Variants in PRKCZ observed in about 807,000 individuals in gnomAD.
The protein encoded by PRKCZ is protein kinase C zeta type.
A neutral mutation model predicts 79.5 loss-of-function variants in PRKCZ; 33 were observed. The ratio of observed to expected loss-of-function variants is 0.41; its 90% CI spans 0.31 to 0.55. The LOEUF is 0.55. PRKCZ is among the 20% of genes least tolerant of loss of function. PRKCZ has a pLI of 0.19. For missense variants in PRKCZ, 578 were observed against 813.5 expected (o/e 0.71, Z 3.52); for synonymous variants, 342 against 320.9 (o/e 1.07, Z -0.70).
In PRKCZ at chr1:2,146,025, A is replaced by G; in HGVS notation, c.553-2A>G. ...GCTGCCATCTCTGTGTCTCTCCGGC[A>G]GGATTCTGTCATGCCTTCCCAAGAG... On this transcript the variant is annotated splice_acceptor_variant, in intron 6 of 17. Coordinates refer to ENST00000378567, the MANE Select transcript of PRKCZ (RefSeq NM_002744.6). LOFTEE classifies it high-confidence loss of function. 2 of 1,611,772 alleles carry G rather than the reference A, an allele frequency of 1.2e-6. No homozygotes were observed. The highest frequency in any genetic ancestry group is 1.7e-6 in the Non-Finnish European group (2 of 1,177,836).
chr1:2,172,771 C>G lies in PRKCZ; in HGVS notation c.1285+383C>G, dbSNP rs1684680057. On this transcript the variant is annotated intron_variant, in intron 13 of 17. Coordinates refer to ENST00000378567, the MANE Select transcript of PRKCZ (RefSeq NM_002744.6). This position sits in a 1 kb window ranked among gnomAD's most constrained non-coding sequence, Gnocchi z 7.8. ...GGGTGCAGGAGCGTGTGGACAGGAC[C>G]CCACAGGCCCTGCGGCTGAGGACGC... Among the ~76,000 whole-genome samples the G allele has an allele frequency of 6.6e-6, 1 of 152,230 alleles. No homozygotes were observed.
Position 2,135,291 on chromosome 1 carries a change from T to C in PRKCZ, c.364T>C (p.Trp122Arg). 6.2e-7 allele frequency: 1 copy of C among 1,613,316 alleles called. No individual in the cohort carries two copies. The highest frequency in any genetic ancestry group is 8.5e-7 in the Non-Finnish European group (1 of 1,179,776). Residue 122 changes from tryptophan to arginine, a missense_variant, in exon 5 of 18, where the codon TGG becomes CGG. Physicochemically the swap from Trp to Arg is moderately radical, Grantham distance 101. Around this residue, in one of 4 missense-constraint regions of PRKCZ, gnomAD observed 228 missense variants for 211.6 expected, o/e 1.08. Transcript: ENST00000378567. ...TATCTACCGCCGGGGAGCCAGAAGATGGAGGAAGCTGTACCGTGCCAACGG... is the reference window on the plus strand; with the variant it reads ...TATCTACCGCCGGGGAGCCAGAAGACGGAGGAAGCTGTACCGTGCCAACGG... The part of the protein sequence containing the change: ...KSIYRRGARR[W>R]RKLYRANGHL...
chr1:2,091,496 A>G (rs1055976775), intron 4 of PRKCZ, among the ~76,000 whole-genome samples: 1 of 152,172 alleles, frequency 6.6e-6, no homozygotes, highest in East Asian at 1.9e-4. Context: ...TGCAGCACAC[A>G]GGAGTTACGA....
Position 2,093,641 on chromosome 1 carries a change from C to T in PRKCZ, c.334+34050C>T, listed in dbSNP as rs146021841. On this transcript the variant is annotated intron_variant, in intron 4 of 17. Transcript: ENST00000378567. ...GAGGGTGTCCGGGTGGCTGTTGGTGCGGGGCCGCTGGGACCTGTACCCTCT... is the reference window on the plus strand; with the variant it reads ...GAGGGTGTCCGGGTGGCTGTTGGTGTGGGGCCGCTGGGACCTGTACCCTCT... Among the ~76,000 whole-genome samples the T allele has an allele frequency of 7.4e-3, 1,130 of 152,172 alleles. 28 individuals are homozygous for T. Among genetic ancestry groups the T allele is most frequent in the African/African-American group, 0.026 (1,059 of 41,464 alleles).
At chr1:2,062,464 C>T (rs1239676173) in intron 4 of PRKCZ, among the ~76,000 whole-genome samples, 6 of 149,320 alleles carry the variant, frequency 4.0e-5, no homozygotes, top group African/African-American at 1.2e-4. Context: ...CACATAACAT[C>T]TATTTTTGCC....
chr1:2,103,578 G>A (rs994255136), intron 4 of PRKCZ, among the ~76,000 whole-genome samples: 11 of 152,058 alleles, frequency 7.2e-5, no homozygotes, highest in African/African-American at 1.7e-4. Context: ...CACAAACCCC[G>A]CTTCCTTGAA....
chr1:2,064,244 C>T (rs1459862847), intron 4 of PRKCZ, among the ~76,000 whole-genome samples: 1 of 152,208 alleles, frequency 6.6e-6, no homozygotes, highest in African/African-American at 2.4e-5. Context: ...GTGAGTGTTA[C>T]TAGTTCTCTG....
At chr1:2,074,886 A>G (rs547545031) in intron 4 of PRKCZ, 2 of 151,864 alleles carry the variant, frequency 1.3e-5, no homozygotes, top group African/African-American at 4.8e-5. Context: ...ACAAAAAACC[A>G]AAACAACAAC....
rs117916975 is a variant in PRKCZ at position 2,128,429 on chromosome 1, C to T, written c.335-6833C>T. 1.1e-3 allele frequency among the ~76,000 whole-genome samples: 166 copies of T among 152,342 alleles called. 3 individuals are homozygous for T. In the East Asian group the frequency reaches 0.029, roughly 27 times the overall value. On this transcript the variant is annotated intron_variant, in intron 4 of 17. Coordinates refer to ENST00000378567, the MANE Select transcript of PRKCZ (RefSeq NM_002744.6). This position sits in a 1 kb window ranked among gnomAD's most constrained non-coding sequence, Gnocchi z 6.5. ...TGTCGCCTGTCCCAGCCTGCTGCTC[C>T]GAGTTTAGTGTTTTAAAACGTGTTT...
At chr1:2,062,208 A>G (rs1308161174) in intron 4 of PRKCZ, among the ~76,000 whole-genome samples, 3 of 152,328 alleles carry the variant, frequency 2.0e-5, no homozygotes, top group Middle Eastern at 3.4e-3. Context: ...ATGTAGTTAC[A>G]AACCCAAAAT....
chr1:2,175,308 G>A lies in PRKCZ; in HGVS notation c.1570G>A (p.Asp524Asn), dbSNP rs199602921. 7.9e-5 allele frequency: 127 copies of A among 1,612,596 alleles called. No homozygotes were observed. Among genetic ancestry groups the A allele is most frequent in the Non-Finnish European group, 1.1e-4 (125 of 1,179,114 alleles). The change falls in exon 16 of 18, where the codon GAC becomes AAC. Residue 524 changes from aspartate to asparagine, a missense_variant. Physicochemically the swap from Asp to Asn is conservative, Grantham distance 23. Coordinates refer to ENST00000378567, the MANE Select transcript of PRKCZ (RefSeq NM_002744.6). ...CGCGTTCTTCCGCAGCATAGACTGG[G>A]ACTTGGTAAAGCATCACAAAGCCTA... ...SHAFFRSIDW[D>N]LLEKKQALPP... is the part of the protein sequence containing the mutation.
At chr1:2,146,701 C>A (rs761552695) in intron 7 of PRKCZ, among the ~76,000 whole-genome samples, 4 of 152,212 alleles carry the variant, frequency 2.6e-5, no homozygotes, top group Non-Finnish European at 5.9e-5. Flanking sequence ...GCCTCACTTT[C>A]ACTTGATGCA....
chr1:2,055,936 C>G (rs993364148), intron 2 of PRKCZ: 1 of 203,706 alleles, frequency 4.9e-6, no homozygotes, highest in Admixed American at 5.3e-5. Context: ...AGGGCACAAG[C>G]AGCCAGGGCC....
rs551869466 is a variant in PRKCZ at position 2,173,087 on chromosome 1, G to A, written c.1285+699G>A. On this transcript the variant is annotated intron_variant, in intron 13 of 17. Coordinates refer to ENST00000378567, the MANE Select transcript of PRKCZ (RefSeq NM_002744.6). This position sits in a 1 kb window ranked among gnomAD's most constrained non-coding sequence, Gnocchi z 5.7. The stretch of plus-strand genomic sequence containing the variant: ...TTGTGTGCACATGCATACTGTGTTT[G>A]TACACACTCCACCCACTTCTGCATC... 6.8e-6 allele frequency among the ~76,000 whole-genome samples: 1 copy of A among 146,426 alleles called. No homozygotes were observed. The highest frequency in any genetic ancestry group is 6.8e-5 in the Admixed American group (1 of 14,702).
At chr1:2,103,515 A>G (rs937895229) in intron 4 of PRKCZ, among the ~76,000 whole-genome samples, 1 of 152,124 alleles carries the variant, frequency 6.6e-6, no homozygotes, top group Non-Finnish European at 1.5e-5. Flanking sequence ...CCCCAGCCCA[A>G]AGAAGCCCTC....
At chr1:2,081,425 C>T (rs932406608) in intron 4 of PRKCZ, among the ~76,000 whole-genome samples, 1 of 152,284 alleles carries the variant, frequency 6.6e-6, no homozygotes, top group Middle Eastern at 3.4e-3. Flanking sequence ...GAAGCAGGTC[C>T]CAGGCCCAGA....
intron 9 of PRKCZ, among the ~76,000 whole-genome samples, chr1:2,151,299 G>A (rs185229836): frequency 3.7e-4 from 56 of 152,368 alleles, no homozygotes; most frequent in Non-Finnish European, 4.4e-4. Context: ...ACTGCACACT[G>A]CAGGCAGTGA....
intron 7 of PRKCZ, 22 bp from the exon 8 acceptor site, chr1:2,148,846 CCCTT>C: frequency 6.2e-7 from 1 of 1,612,564 alleles, no homozygotes; most frequent in South Asian, 1.1e-5. Flanking sequence ...ACCGTAACGC[CCCTT>C]CCTTCCTCCC....
At chr1:2,073,972 G>A (rs1037470097) in intron 4 of PRKCZ, 56 of 1,392,576 alleles carry the variant, frequency 4.0e-5, no homozygotes, top group Middle Eastern at 2.7e-4. Context: ...CGCGCCCCCG[G>A]GGCCGGGCCA....
Sources: gnomAD v4.1 joint callset for allele counts (sites outside exome capture counted in the v4.1 genomes callset) on GRCh38, gnomAD v4.1.1 for gene constraint, gnomAD v4.1.1 regional missense constraint, Gnocchi (gnomAD v3.1) non-coding constraint, MANE v1.5 for transcripts, NCBI Gene and HGNC (gene_info 2026-07-23, HGNC 2026-07-21) for gene names.